Variants in SLC17A1 observed in about 807,000 individuals in gnomAD.
The protein encoded by SLC17A1 is sodium-dependent phosphate transport protein 1.
In SLC17A1, 51 loss-of-function variants were observed where a neutral mutation model predicts 53.5. The observed-to-expected ratio is 0.95, with a 90% CI of 0.76 to 1.20. SLC17A1 has a LOEUF of 1.20. SLC17A1 is among the 50% of genes most tolerant of loss of function. The pLI, the probability that SLC17A1 is intolerant of heterozygous loss-of-function variation, is 0.00. For synonymous variants in SLC17A1, 179 were observed against 198.8 expected (o/e 0.90, Z 0.84); for missense variants, 538 against 568.2 (o/e 0.95, Z 0.54).
the SLC17A1 span, chr6:25,726,216 G>C: frequency 6.2e-7 from 1 of 1,612,006 alleles, no homozygotes; most frequent in African/African-American, 1.3e-5. Flanking sequence ...CTCCGCCCTG[G>C]GCAATGGTCA....
chr6:25,768,185 C>T, the SLC17A1 span, among the ~76,000 whole-genome samples: 30 of 152,220 alleles, frequency 2.0e-4, no homozygotes, highest in South Asian at 6.0e-3. Flanking sequence ...CAGAGTTGAA[C>T]CAAAGGTAAG....
rs148635037 is a variant in SLC17A1 at position 25,819,534 on chromosome 6, C to T, written c.506G>A (p.Arg169Gln). 312 of 1,613,768 alleles carry T rather than the reference C, an allele frequency of 1.9e-4. No individual in the cohort carries two copies. In the African/African-American group the frequency reaches 2.6e-3, roughly 14 times the overall value. ...ACCTGATGTACTCATAGAAGTAAGTCGGCCTCGTTCCAGGGGAGGAGCCCA... is the reference window on the plus strand; with the variant it reads ...ACCTGATGTACTCATAGAAGTAAGTTGGCCTCGTTCCAGGGGAGGAGCCCA... ...VKWAPPLERG[R>Q]LTSMSTSGFL... The change falls in exon 5 of 13, where the codon CGA becomes CAA. Residue 169 changes from arginine (R) to glutamine (Q), a missense_variant. Arg to Gln is a conservative substitution (Grantham distance 43). Coordinates refer to ENST00000244527, the MANE Select transcript of SLC17A1 (RefSeq NM_005074.5).
chr6:25,729,056 T>C, the SLC17A1 span, among the ~76,000 whole-genome samples: 4 of 152,152 alleles, frequency 2.6e-5, no homozygotes, highest in Non-Finnish European at 5.9e-5. Context: ...ACAGCAGGTA[T>C]CACATAGCTG....
the SLC17A1 span, among the ~76,000 whole-genome samples, chr6:25,755,136 G>A: frequency 2.0e-5 from 3 of 151,786 alleles, no homozygotes; most frequent in African/African-American, 7.3e-5. Flanking sequence ...TATTTGGATT[G>A]TTTTTGTGAA....
chr6:25,773,485 G>C, the SLC17A1 span: 1 of 1,613,088 alleles, frequency 6.2e-7, no homozygotes, highest in African/African-American at 1.3e-5. Flanking sequence ...TTCTGACGGA[G>C]GGGACATTGA....
intron 12 of SLC17A1, among the ~76,000 whole-genome samples, chr6:25,785,787 C>T (rs957026816): frequency 6.6e-6 from 1 of 152,030 alleles, no homozygotes; most frequent in Non-Finnish European, 1.5e-5. Flanking sequence ...GATGCCACTT[C>T]ACATTCACTG....
chr6:25,776,009 T>C, the SLC17A1 span, among the ~76,000 whole-genome samples: 1 of 152,034 alleles, frequency 6.6e-6, no homozygotes, highest in Admixed American at 6.6e-5. Flanking sequence ...CTCTGTGGAG[T>C]AAATTTCTGC....
chr6:25,753,496 G>C, the SLC17A1 span, among the ~76,000 whole-genome samples: 1 of 152,186 alleles, frequency 6.6e-6, no homozygotes, highest in African/African-American at 2.4e-5. Flanking sequence ...AATGGAAACA[G>C]TGGGGCCCGG....
intron 12 of SLC17A1, among the ~76,000 whole-genome samples, chr6:25,796,706 T>C (rs112353716): frequency 6.6e-6 from 1 of 152,204 alleles, no homozygotes; most frequent in Non-Finnish European, 1.5e-5. Flanking sequence ...TATTAATAAA[T>C]TTTCCAGGAA....
At chr6:25,760,111 A>G in the SLC17A1 span, among the ~76,000 whole-genome samples, 3 of 152,198 alleles carry the variant, frequency 2.0e-5, no homozygotes, top group Non-Finnish European at 4.4e-5. Flanking sequence ...CTTGGTGATC[A>G]TAGTTTTTTA....
the SLC17A1 span, among the ~76,000 whole-genome samples, chr6:25,745,926 C>A: frequency 6.6e-6 from 1 of 152,170 alleles, no homozygotes; most frequent in Non-Finnish European, 1.5e-5. Context: ...TCCTGATAGG[C>A]TTTGTAGAAA....
At chr6:25,739,402 A>G in the SLC17A1 span, among the ~76,000 whole-genome samples, 1 of 152,148 alleles carries the variant, frequency 6.6e-6, no homozygotes, top group Non-Finnish European at 1.5e-5. Context: ...GAATTTCAAC[A>G]TGTGAATTGA....
intron 10 of SLC17A1, among the ~76,000 whole-genome samples, chr6:25,806,714 A>G (rs1399818435): frequency 6.6e-6 from 1 of 152,114 alleles, no homozygotes; most frequent in Non-Finnish European, 1.5e-5. Flanking sequence ...TGTACAGCAA[A>G]AGAAATAATT....
the SLC17A1 span, chr6:25,762,136 T>A: frequency 8.3e-7 from 1 of 1,203,460 alleles, no homozygotes; most frequent in Non-Finnish European, 1.2e-6. Flanking sequence ...AAAACTAGGA[T>A]CTGTGGCATC....
the SLC17A1 span, among the ~76,000 whole-genome samples, chr6:25,729,721 G>T: frequency 6.6e-6 from 1 of 150,700 alleles, no homozygotes; most frequent in South Asian, 2.1e-4. Flanking sequence ...TGTTATATAT[G>T]TAAGACTGCT....
chr6:25,778,649 G>GACA (rs1763136290), downstream of SLC17A1, among the ~76,000 whole-genome samples: 1 of 152,136 alleles, frequency 6.6e-6, no homozygotes, highest in Non-Finnish European at 1.5e-5. Context: ...AGAAATCTAT[G>GACA]GAAGTAAAAT....
At chr6:25,777,901 A>G in the SLC17A1 span, 1 of 1,578,902 alleles carries the variant, frequency 6.3e-7, no homozygotes, top group Non-Finnish European at 8.7e-7. Context: ...CTTGGTTATA[A>G]TAGAGTACCA....
chr6:25,819,397 A>G, intron 5 of SLC17A1, 114 bp downstream of exon 5: 1 of 877,938 alleles, frequency 1.1e-6, no homozygotes, highest in Non-Finnish European at 1.8e-6. Flanking sequence ...GCTGAAACAG[A>G]TGATTTCCAA....
At chr6:25,731,865 C>A in the SLC17A1 span, 2 of 1,602,906 alleles carry the variant, frequency 1.2e-6, no homozygotes, top group East Asian at 4.5e-5. Flanking sequence ...CAGCAGCAGG[C>A]GCACGGCCGT....
Sources: gnomAD v4.1 joint callset for allele counts (sites outside exome capture counted in the v4.1 genomes callset) on GRCh38, gnomAD v4.1.1 for gene constraint, MANE v1.5 for transcripts, NCBI Gene and HGNC (gene_info 2026-07-23, HGNC 2026-07-21) for gene names.